Variants in ERC1 observed in about 807,000 individuals in gnomAD.
The protein encoded by ERC1 is ELKS/RAB6-interacting/CAST family member 1.
In ERC1, 56 loss-of-function variants were observed where a neutral mutation model predicts 132.0. The observed-to-expected ratio is 0.42, with a 90% confidence interval of 0.34 to 0.53. The LOEUF (loss-of-function observed/expected upper bound fraction) is 0.53, where lower values mean the gene tolerates loss of function less well. Ranked by LOEUF, ERC1 falls within the 20% of genes least tolerant of loss-of-function variation. The probability of loss-of-function intolerance (pLI) is 0.03; values close to 1 mark genes in which losing one functional copy is unlikely to be tolerated. For missense variants in ERC1, 1,202 were observed against 1,349.9 expected (o/e 0.89, Z 1.72); for synonymous variants, 478 against 476.1 (o/e 1.00, Z -0.05).
Position 1,408,079 on chromosome 12 carries a change from A to G in ERC1, c.2926-70A>G. ...TATCCTTTCTTATGGAACTCTTAAA[A>G]TACTCGTTACTTTACAGTGTGTCAT... is the stretch of plus-strand genomic sequence containing the variant. On this transcript the variant is annotated intron_variant, in intron 16 of 18. Coordinates refer to ENST00000360905, the MANE Select transcript of ERC1 (RefSeq NM_178040.4). 9.5e-6 allele frequency: 10 copies of G among 1,048,298 alleles called. No individual in the cohort carries two copies. The South Asian group carries it at 1.3e-4, about 14-fold the overall frequency. The allele number at this position is 1,048,298 out of a possible 1,614,324, so 64.9% of individuals were successfully genotyped here. A position where few individuals can be genotyped will look rare whatever the true frequency, so the allele number is the denominator to read the frequency against.
intron 1 of ERC1, among the ~76,000 whole-genome samples, chr12:994,483 A>G (rs991482388): frequency 2.6e-5 from 4 of 152,152 alleles, no homozygotes; most frequent in African/African-American, 9.7e-5. Context: ...AATGTTGTTT[A>G]TTTCCTAACC....
At chr12:1,014,624 T>C (rs993863066) in intron 1 of ERC1, among the ~76,000 whole-genome samples, 1 of 152,204 alleles carries the variant, frequency 6.6e-6, no homozygotes, top group African/African-American at 2.4e-5. Context: ...CAAACATACG[T>C]GTATATATCC....
intron 8 of ERC1, among the ~76,000 whole-genome samples, chr12:1,173,160 T>A (rs1953270151): frequency 6.6e-6 from 1 of 152,204 alleles, no homozygotes; most frequent in Non-Finnish European, 1.5e-5. Flanking sequence ...GAAAGATGCT[T>A]TATGTGATTA....
chr12:1,141,830 C>T (rs766189880), intron 8 of ERC1, 43 bp downstream of exon 8: 5 of 1,389,998 alleles, frequency 3.6e-6, no homozygotes, highest in African/African-American at 1.5e-5. Context: ...ATTCCTCATA[C>T]ATCTTCACTC....
intron 15 of ERC1, among the ~76,000 whole-genome samples, chr12:1,350,642 A>T (rs989324563): frequency 6.6e-6 from 1 of 152,218 alleles, no homozygotes; most frequent in Admixed American, 6.5e-5. Context: ...TTCCTGTTTT[A>T]TAGGGACTTA....
At chr12:1,371,410 T>C (rs2087218991) in intron 15 of ERC1, among the ~76,000 whole-genome samples, 1 of 152,246 alleles carries the variant, frequency 6.6e-6, no homozygotes, top group Non-Finnish European at 1.5e-5. Flanking sequence ...GGCTGTACCA[T>C]TTACTCCAGG....
At chr12:1,025,356 A>G (rs1001938450) in intron 1 of ERC1, among the ~76,000 whole-genome samples, 2 of 152,130 alleles carry the variant, frequency 1.3e-5, no homozygotes, top group African/African-American at 4.8e-5. Context: ...GGAATTCTTT[A>G]CATACTCTGT....
At chr12:1,388,345 C>CAA (rs34634557) in intron 16 of ERC1, among the ~76,000 whole-genome samples, 9,972 of 84,578 alleles carry the variant, frequency 0.12, 667 homozygotes, top group Non-Finnish European at 0.17. Flanking sequence ...GACTCTGTCT[C>CAA]AAAAAAAAAA....
At position 1,475,597 on chromosome 12, in the gene ERC1, GAC is replaced by G. The variant is rs1592280566; in HGVS notation, c.3214-14494_3214-14493del. Reference sequence around the variant, plus strand: ...AGAATGAGAGGAAAGGAAAAGCAAAGACAGGGAATGGCAGGTATGTACCAGGA... The same window carrying G: ...AGAATGAGAGGAAAGGAAAAGCAAAGAGGGAATGGCAGGTATGTACCAGGA... On this transcript the variant is annotated intron_variant, in intron 18 of 18. Transcript: ENST00000360905. Among the ~76,000 whole-genome samples, 3 of 152,296 alleles carry G rather than the reference GAC, an allele frequency of 2.0e-5. No individual in the cohort carries two copies. In the East Asian group the frequency reaches 5.8e-4, roughly 29 times the overall value.
intron 2 of ERC1, among the ~76,000 whole-genome samples, chr12:1,069,673 G>A (rs946255683): frequency 3.3e-5 from 5 of 152,050 alleles, no homozygotes; most frequent in South Asian, 2.1e-4. Context: ...AAGGTAATTC[G>A]GTATGTATAC....
At chr12:1,482,524 GCAACACC>G (rs1166989035) in intron 18 of ERC1, among the ~76,000 whole-genome samples, 3 of 152,074 alleles carry the variant, frequency 2.0e-5, no homozygotes, top group Admixed American at 1.3e-4. Context: ...TCGGCTCACT[GCAACACC>G]CACCTCTTGG....
At chr12:1,306,619 G>C (rs753338115) in intron 15 of ERC1, among the ~76,000 whole-genome samples, 51 of 152,222 alleles carry the variant, frequency 3.4e-4, no homozygotes, top group Non-Finnish European at 5.9e-4. Flanking sequence ...TTAAGTAGAT[G>C]CTGCAGCTCT....
intron 15 of ERC1, among the ~76,000 whole-genome samples, chr12:1,295,801 A>T (rs2079875798): frequency 1.3e-5 from 2 of 152,150 alleles, no homozygotes; most frequent in Non-Finnish European, 2.9e-5. Flanking sequence ...AAACCTATAC[A>T]AGTTCAAGGA....
rs1277928731 is a variant in ERC1, at chr12:1,305,547, G to A, written c.2780+15535G>A. On this transcript the variant is annotated intron_variant, in intron 15 of 18. Transcript: ENST00000360905. ...AAGTTATTTCCACTTAAACTCATCA[G>A]CTATAACTGAATTCTTTGTTATTAG... Among the ~76,000 whole-genome samples, 3 of 152,232 alleles carry A rather than the reference G, an allele frequency of 2.0e-5. No homozygotes were observed. The South Asian group carries it at 6.2e-4, about 32-fold the overall frequency.
At chr12:1,101,196 C>T (rs1944617882) in intron 3 of ERC1, among the ~76,000 whole-genome samples, 1 of 152,140 alleles carries the variant, frequency 6.6e-6, no homozygotes, top group East Asian at 1.9e-4. Flanking sequence ...TGTTATTTCT[C>T]ATTATTATAT....
chr12:1,372,293 C>A (rs2087338077), intron 16 of ERC1, among the ~76,000 whole-genome samples: 1 of 151,562 alleles, frequency 6.6e-6, no homozygotes, highest in Non-Finnish European at 1.5e-5. Flanking sequence ...TTTTTTTAAA[C>A]ATCCAGCAAG....
chr12:1,370,714 G>T (rs796701319), intron 15 of ERC1, among the ~76,000 whole-genome samples: 14 of 151,858 alleles, frequency 9.2e-5, no homozygotes, highest in African/African-American at 3.1e-4. Flanking sequence ...TTTTTAAAAG[G>T]TTAACAATTT....
intron 8 of ERC1, among the ~76,000 whole-genome samples, chr12:1,169,419 C>T (rs1178438023): frequency 6.6e-6 from 1 of 152,226 alleles, no homozygotes; most frequent in African/African-American, 2.4e-5. Flanking sequence ...GGGACAACAG[C>T]TTCAGAGCTC....
At chr12:1,334,464 C>G (rs1034958825) in intron 15 of ERC1, among the ~76,000 whole-genome samples, 6 of 152,106 alleles carry the variant, frequency 3.9e-5, no homozygotes, top group African/African-American at 1.4e-4. Flanking sequence ...TAGCCAGTTA[C>G]CACAGCATCA....
Sources: allele counts gnomAD v4.1 joint callset (sites outside exome capture counted in the v4.1 genomes callset), GRCh38; gene constraint gnomAD v4.1.1; transcripts MANE v1.5; gene names NCBI Gene and HGNC (gene_info 2026-07-23, HGNC 2026-07-21).